HAT1: variants seen among roughly 807,000 people sequenced by gnomAD.
HAT1 encodes the protein histone acetyltransferase 1.
HAT1 carries 20 observed loss-of-function variants against 56.6 expected under a neutral mutation model. The observed-to-expected ratio is 0.35, with a 90% CI of 0.25 to 0.51. The LOEUF is 0.51. Ranked by LOEUF, HAT1 falls within the 20% of genes least tolerant of loss-of-function variation. The probability of loss-of-function intolerance (pLI) is 0.95; values close to 1 mark genes in which losing one functional copy is unlikely to be tolerated. For synonymous variants in HAT1, 146 were observed against 165.5 expected, an observed-to-expected ratio of 0.88 and a Z score of 0.91; for missense variants, 408 against 504.3, an observed-to-expected ratio of 0.81 and a Z score of 1.83.
chr2:171,976,946 C>G (rs1454130845), intron 9 of HAT1, among the ~76,000 whole-genome samples: 1 of 139,784 alleles, frequency 7.2e-6, no homozygotes, highest in Non-Finnish European at 1.6e-5. Context: ...GAGGCCGAGG[C>G]GGACAGATCA....
At chr2:171,979,442 T>A in intron 10 of HAT1, 79 bp downstream of exon 10, 1 of 747,268 alleles carries the variant, frequency 1.3e-6, no homozygotes, top group Non-Finnish European at 2.4e-6. Flanking sequence ...TATCAGTATA[T>A]GAGAGAGTCC....
chr2:171,954,176 T>A (rs1036628073), intron 4 of HAT1, among the ~76,000 whole-genome samples: 2 of 152,204 alleles, frequency 1.3e-5, no homozygotes, highest in African/African-American at 4.8e-5. Flanking sequence ...TTTTGTTTTT[T>A]ATTGTGGTTA....
At chr2:171,933,312 G>A (rs1414340543) in intron 2 of HAT1, among the ~76,000 whole-genome samples, 1 of 152,146 alleles carries the variant, frequency 6.6e-6, no homozygotes, top group Non-Finnish European at 1.5e-5. Context: ...TCCTGCCTTG[G>A]CCTCCCAAAG....
chr2:171,931,414 G>T (rs1416993181), intron 2 of HAT1, among the ~76,000 whole-genome samples: 1 of 151,970 alleles, frequency 6.6e-6, no homozygotes, highest in Non-Finnish European at 1.5e-5. Flanking sequence ...ATATAGCCGG[G>T]CATGGTGGCT....
intron 4 of HAT1, among the ~76,000 whole-genome samples, chr2:171,960,210 C>T (rs1026941901): frequency 1.3e-5 from 2 of 151,926 alleles, no homozygotes; most frequent in South Asian, 2.1e-4. Flanking sequence ...AAGAAGAGAC[C>T]GGAACATTGC....
intron 1 of HAT1, chr2:171,922,878 T>A (rs1259991098): frequency 4.3e-6 from 1 of 234,196 alleles, no homozygotes; most frequent in Non-Finnish European, 8.2e-6. Flanking sequence ...CTGGTCCTGT[T>A]CCCGCCAGCT....
intron 9 of HAT1, among the ~76,000 whole-genome samples, chr2:171,977,673 C>T (rs1358508871): frequency 6.7e-6 from 1 of 149,914 alleles, no homozygotes; most frequent in African/African-American, 2.4e-5. Flanking sequence ...CTAGCTTCAG[C>T]CTGTTAGTAC....
At chr2:171,969,563 T>C (rs759707203) in intron 8 of HAT1, among the ~76,000 whole-genome samples, 3 of 152,196 alleles carry the variant, frequency 2.0e-5, no homozygotes, top group Non-Finnish European at 2.9e-5. Flanking sequence ...CTTTGTAGCA[T>C]AGAAACAAAG....
intron 4 of HAT1, among the ~76,000 whole-genome samples, chr2:171,953,352 AAAAC>A (rs1459101806): frequency 1.3e-5 from 2 of 152,178 alleles, no homozygotes; most frequent in East Asian, 1.9e-4. Flanking sequence ...TCTCAAAAAC[AAAAC>A]AAACAAACAA....
Position 171,979,408 on chromosome 2 carries a change from T to C in HAT1, c.1092+45T>C, listed in dbSNP as rs770304619. On this transcript the variant is annotated intron_variant, in intron 10 of 10. Transcript: ENST00000264108. Reference sequence around the variant, plus strand: ...TAAACACTGTATTCTTTTCACTGTTTAAAACAGAAGAAAAGCTACCAAATA... The same window carrying C: ...TAAACACTGTATTCTTTTCACTGTTCAAAACAGAAGAAAAGCTACCAAATA... 5 of 933,878 alleles carry C rather than the reference T, an allele frequency of 5.4e-6. No individual in the cohort carries two copies. In the African/African-American group the frequency reaches 8.1e-5, roughly 15 times the overall value. 57.8% of individuals were successfully genotyped at this position (933,878 alleles called of 1,614,324 possible). A position where few individuals can be genotyped will look rare whatever the true frequency, so the allele number is the denominator to read the frequency against.
At chr2:171,977,461 TAAAAA>T (rs369071500) in intron 9 of HAT1, among the ~76,000 whole-genome samples, 1 of 108,594 alleles carries the variant, frequency 9.2e-6, no homozygotes, top group Non-Finnish European at 1.9e-5. Flanking sequence ...GACTTCATCT[TAAAAA>T]AAAAAAAAAG....
At chr2:171,977,537 ATATATATATATATATATATATTTTTTTT>A (rs1688003151) in intron 9 of HAT1, among the ~76,000 whole-genome samples, 1 of 14,994 alleles carries the variant, frequency 6.7e-5, no homozygotes, top group Non-Finnish European at 1.3e-4. Context: ...ATATATATAT[ATATATATATATATATATATATTTTTTTT>A]TTTTTTTTTT....
chr2:171,957,113 T>C (rs1419955447), intron 4 of HAT1, among the ~76,000 whole-genome samples: 2 of 152,156 alleles, frequency 1.3e-5, no homozygotes, highest in African/African-American at 2.4e-5. Context: ...AACTTTATAG[T>C]GCAGCTTGGA....
intron 4 of HAT1, among the ~76,000 whole-genome samples, chr2:171,958,467 T>G (rs1042448381): frequency 6.6e-6 from 1 of 152,120 alleles, no homozygotes; most frequent in African/African-American, 2.4e-5. Flanking sequence ...TTTTAATTTT[T>G]TGTAGAGACG....
chr2:171,974,693 T>C (rs563313241), intron 8 of HAT1, among the ~76,000 whole-genome samples: 2 of 152,358 alleles, frequency 1.3e-5, no homozygotes, highest in Admixed American at 6.5e-5. Context: ...TTGTGGATGA[T>C]GTTAGCTATA....
At chr2:171,949,066 G>C (rs1051677239) in intron 3 of HAT1, among the ~76,000 whole-genome samples, 1 of 152,056 alleles carries the variant, frequency 6.6e-6, no homozygotes, top group Admixed American at 6.6e-5. Context: ...GCTTGAATCA[G>C]TATTTTACTA....
intron 2 of HAT1, among the ~76,000 whole-genome samples, chr2:171,929,603 A>G (rs1686687664): frequency 6.6e-6 from 1 of 152,208 alleles, no homozygotes; most frequent in Non-Finnish European, 1.5e-5. Flanking sequence ...GTTTTAGCTT[A>G]TTAAAATTAT....
At chr2:171,977,542 TA>T (rs1688009369) in intron 9 of HAT1, among the ~76,000 whole-genome samples, 22 of 14,170 alleles carry the variant, frequency 1.6e-3, no homozygotes, top group East Asian at 0.012. Flanking sequence ...TATATATATA[TA>T]TATATATATA....
chr2:171,955,200 A>G (rs1455659409), intron 4 of HAT1, among the ~76,000 whole-genome samples: 3 of 152,246 alleles, frequency 2.0e-5, no homozygotes, highest in African/African-American at 7.2e-5. Flanking sequence ...GCTATAACCA[A>G]TAACTAAAAA....
Sources: allele counts gnomAD v4.1 joint callset (sites outside exome capture counted in the v4.1 genomes callset), GRCh38; gene constraint gnomAD v4.1.1; transcripts MANE v1.5; gene names NCBI Gene and HGNC (gene_info 2026-07-23, HGNC 2026-07-21).